The following AR variants were observed in gnomAD, a reference collection of about 807,000 sequenced individuals.
AR encodes dihydrotestosterone receptor.
Under a neutral mutation model 53.9 loss-of-function variants are expected in AR, and 8 were observed. The ratio of observed to expected loss-of-function variants is 0.15; its 90% CI spans 0.09 to 0.27. The LOEUF (loss-of-function observed/expected upper bound fraction) is 0.27, where lower values mean the gene tolerates loss of function less well. Among genes scored for constraint, AR ranks in the 10% least tolerant of loss-of-function variants. The pLI is 1.00. For missense variants in AR, 639 were observed against 742.5 expected, an observed-to-expected ratio of 0.86 and a Z score of 1.62; for synonymous variants, 359 against 316.4, an observed-to-expected ratio of 1.13 and a Z score of -1.43.
intron 2 of AR, among the ~76,000 whole-genome samples, chrX:67,663,307 C>T (rs1927051884): frequency 8.9e-6 from 1 of 111,957 alleles, no homozygotes; most frequent in East Asian, 2.8e-4. Context: ...GGAGCTCCTG[C>T]AGTGCAGGCC....
intron 2 of AR, among the ~76,000 whole-genome samples, chrX:67,664,438 G>T (rs1443710117): frequency 1.8e-5 from 2 of 111,858 alleles, no homozygotes; most frequent in African/African-American, 6.5e-5. Flanking sequence ...GTGGATATTG[G>T]TGAACAGAAA....
intron 1 of AR, among the ~76,000 whole-genome samples, chrX:67,556,121 C>T (rs1009776639): frequency 2.9e-4 from 33 of 111,958 alleles, no homozygotes; most frequent in South Asian, 7.5e-4. Flanking sequence ...CTACCTTTTA[C>T]AAGTAACTAG....
chrX:67,723,031 G>C (rs183007868), intron 7 of AR, 47 bp downstream of exon 7: 14 of 1,186,697 alleles, frequency 1.2e-5, no homozygotes, highest in Admixed American at 2.2e-5. Context: ...CAGCCTGATA[G>C]AGCCAATGAT....
intron 5 of AR, among the ~76,000 whole-genome samples, chrX:67,720,920 G>A (rs181531973): frequency 2.3e-4 from 26 of 110,721 alleles, no homozygotes; most frequent in African/African-American, 6.3e-4. Flanking sequence ...GATTTTTGAA[G>A]TGCTGAAAAC....
intron 2 of AR, among the ~76,000 whole-genome samples, chrX:67,652,992 C>A (rs1926418145): frequency 9.0e-6 from 1 of 111,490 alleles, no homozygotes; most frequent in Non-Finnish European, 1.9e-5. Flanking sequence ...CCAGTCTTGT[C>A]TTTGGTAAGG....
At chrX:67,695,738 AACACACACACAC>A (rs760106489) in intron 3 of AR, 12 of 680,008 alleles carry the variant, frequency 1.8e-5, no homozygotes, top group Non-Finnish European at 2.0e-5. Context: ...AGTCTGTCTA[AACACACACACAC>A]ACACACACAC....
intron 2 of AR, among the ~76,000 whole-genome samples, chrX:67,673,674 G>A (rs1242902429): frequency 9.1e-6 from 1 of 109,734 alleles, no homozygotes; most frequent in Non-Finnish European, 1.9e-5. Context: ...ATATCTGATA[G>A]AATTCTGAAT....
chrX:67,642,548 A>G (rs1389722996), intron 1 of AR, among the ~76,000 whole-genome samples: 2 of 111,375 alleles, frequency 1.8e-5, no homozygotes, highest in African/African-American at 6.5e-5. Flanking sequence ...TTTCAACAGA[A>G]GCTTCAGGCA....
intron 1 of AR, among the ~76,000 whole-genome samples, chrX:67,604,198 ATGTGTGTGTGTGTGTGTGTGTGTGTGTG>A (rs72092334): frequency 1.3e-5 from 1 of 78,152 alleles, no homozygotes; most frequent in African/African-American, 4.9e-5. Context: ...GGGGAGAAAT[ATGTGTGTGTGTGTGTGTGTGTGTGTGTG>A]TGTGTGTGTG....
At chrX:67,631,227 CAG>C (rs1159026250) in intron 1 of AR, among the ~76,000 whole-genome samples, 1 of 111,580 alleles carries the variant, frequency 9.0e-6, no homozygotes, top group African/African-American at 3.3e-5. Flanking sequence ...TAATATCCTG[CAG>C]AGTGTTTTCC....
chrX:67,691,003 G>A (rs1158350313), intron 3 of AR, among the ~76,000 whole-genome samples: 1 of 111,995 alleles, frequency 8.9e-6, no homozygotes, highest in Admixed American at 9.5e-5. Context: ...TAGACTTCAA[G>A]CAGTTGAAAA....
At chrX:67,639,300 G>T (rs770188753) in intron 1 of AR, among the ~76,000 whole-genome samples, 1 of 111,890 alleles carries the variant, frequency 8.9e-6, no homozygotes, top group Non-Finnish European at 1.9e-5. Context: ...GGCTATGCAG[G>T]CTCTTTATTG....
chrX:67,713,514 G>A (rs1475588371), intron 4 of AR, among the ~76,000 whole-genome samples: 4 of 111,518 alleles, frequency 3.6e-5, no homozygotes, highest in Non-Finnish European at 7.5e-5. Flanking sequence ...TCATTTTATA[G>A]GCTACAGAGC....
rs1221161177 is a variant in AR at position 67,705,507 on chromosome X, CTT to C, written c.1886-5893_1886-5892del. On this transcript the variant is annotated intron_variant, in intron 3 of 7. Transcript: ENST00000374690. ...TGCACATTGATTTTGTATCCTGAGA[CTT>C]TGCTGAAGTTGCTTATCAGCTTAAG... 2.7e-5 allele frequency among the ~76,000 whole-genome samples: 3 copies of C among 111,697 alleles called. No individual in the cohort carries two copies. The Admixed American group carries it at 2.8e-4, about 11-fold the overall frequency.
chrX:67,600,112 G>C (rs779343046), intron 1 of AR, among the ~76,000 whole-genome samples: 2 of 111,277 alleles, frequency 1.8e-5, no homozygotes, highest in Non-Finnish European at 3.8e-5. Context: ...AGCTATGAGG[G>C]GATATACCTC....
chrX:67,662,245 G>A (rs1316270648), intron 2 of AR, among the ~76,000 whole-genome samples: 1 of 111,274 alleles, frequency 9.0e-6, no homozygotes, highest in African/African-American at 3.3e-5. Context: ...TTTTGAATGT[G>A]TTTGCCCTTG....
At chrX:67,669,837 A>C (rs910269338) in intron 2 of AR, among the ~76,000 whole-genome samples, 1 of 108,830 alleles carries the variant, frequency 9.2e-6, no homozygotes, top group Non-Finnish European at 1.9e-5. Context: ...CTTGAAATCT[A>C]TTTTGTCGGA....
Position 67,670,515 on chromosome X carries a change from ATATAT to A in AR, c.1769-15489_1769-15485del, listed in dbSNP as rs764160127. Among the ~76,000 whole-genome samples the A allele has an allele frequency of 1.5e-3, 163 of 106,857 alleles. 1 individual carries two copies. Among genetic ancestry groups the A allele is most frequent in the African/African-American group, 5.0e-3 (148 of 29,670 alleles). The allele number at this position is 106,857 out of a possible 115,157, so 92.8% of individuals were successfully genotyped here. A position where few individuals can be genotyped will look rare whatever the true frequency, so the allele number is the denominator to read the frequency against. On this transcript the variant is annotated intron_variant, in intron 2 of 7. Coordinates refer to ENST00000374690, the MANE Select transcript of AR (RefSeq NM_000044.6). ...ACCAAAAAAATTAGCAGCTATACTA[ATATAT>A]TATATATATACTACATAAAGCATAT... is the stretch of plus-strand genomic sequence containing the variant.
intron 2 of AR, among the ~76,000 whole-genome samples, chrX:67,670,794 C>G (rs2075860232): frequency 9.1e-6 from 1 of 110,397 alleles, no homozygotes; most frequent in African/African-American, 3.3e-5. Flanking sequence ...TGTTCCCCTC[C>G]CTGTGTCCAT....
Sources: gnomAD v4.1 joint callset for allele counts (sites outside exome capture counted in the v4.1 genomes callset) on GRCh38, gnomAD v4.1.1 for gene constraint, MANE v1.5 for transcripts, NCBI Gene and HGNC (gene_info 2026-07-23, HGNC 2026-07-21) for gene names.